Variants in SCFD2 observed in about 807,000 individuals in gnomAD.
The protein encoded by SCFD2 is sec1 family domain containing 2.
In SCFD2, 54 loss-of-function variants were observed where a neutral mutation model predicts 58.9. The ratio of observed to expected loss-of-function variants is 0.92; its 90% CI spans 0.74 to 1.15. The LOEUF is 1.15. Ranked by LOEUF, SCFD2 falls within the 50% of genes most tolerant of loss-of-function variation. The pLI, the probability that SCFD2 is intolerant of heterozygous loss-of-function variation, is 0.00. For missense variants in SCFD2, 805 were observed against 836.6 expected, an observed-to-expected ratio of 0.96 and a Z score of 0.47; for synonymous variants, 321 against 335.9, an observed-to-expected ratio of 0.96 and a Z score of 0.49.
chr4:53,220,263 C>T (rs75418179), intron 4 of SCFD2, among the ~76,000 whole-genome samples: 402 of 152,328 alleles, frequency 2.6e-3, no homozygotes, highest in African/African-American at 9.2e-3. Context: ...ACCAAAGGAA[C>T]ACATGCTATA....
intron 4 of SCFD2, among the ~76,000 whole-genome samples, chr4:53,214,438 T>G (rs954678721): frequency 1.6e-4 from 24 of 152,112 alleles, no homozygotes; most frequent in African/African-American, 4.6e-4. Flanking sequence ...GTGTTTTTTG[T>G]CTGCATAAAT....
intron 8 of SCFD2, among the ~76,000 whole-genome samples, chr4:52,884,156 G>A (rs920881965): frequency 1.3e-5 from 2 of 152,332 alleles, no homozygotes; most frequent in Middle Eastern, 3.4e-3. Flanking sequence ...TTTGATTGAG[G>A]AGACTAGGCC....
At chr4:53,024,775 A>C (rs1348503775) in intron 5 of SCFD2, among the ~76,000 whole-genome samples, 1 of 151,316 alleles carries the variant, frequency 6.6e-6, no homozygotes. Flanking sequence ...GTTACTCTGA[A>C]GGGGTTCCAG....
intron 5 of SCFD2, among the ~76,000 whole-genome samples, chr4:53,123,751 A>T (rs981721825): frequency 6.6e-6 from 1 of 152,218 alleles, no homozygotes; most frequent in Admixed American, 6.5e-5. Flanking sequence ...CTCAAAGGAA[A>T]GTCATTCCTC....
chr4:52,947,672 T>G (rs548380733), intron 5 of SCFD2, among the ~76,000 whole-genome samples: 1 of 151,828 alleles, frequency 6.6e-6, no homozygotes, highest in East Asian at 1.9e-4. Flanking sequence ...TGAAATTCAG[T>G]AGGGGCAAGG....
At chr4:53,250,385 A>G (rs1299238408) in intron 4 of SCFD2, among the ~76,000 whole-genome samples, 1 of 152,212 alleles carries the variant, frequency 6.6e-6, no homozygotes, top group African/African-American at 2.4e-5. Context: ...AACATTAGAC[A>G]GATCAACAAG....
rs147346465 is a variant in SCFD2 at position 53,249,430 on chromosome 4, C to T, written c.1311+24396G>A. Among the ~76,000 whole-genome samples the T allele has an allele frequency of 8.6e-3, 1,303 of 152,262 alleles. 13 individuals carry two copies. Among genetic ancestry groups the T allele is most frequent in the Middle Eastern group, 0.014 (4 of 294 alleles). On this transcript the variant is annotated intron_variant, in intron 4 of 8. Transcript: ENST00000401642. ...TCCCCAATCTAGCAAGGCAGGCCAA[C>T]GTTCAGATTCAGAAAATACATAGAA...
At chr4:53,121,680 G>T (rs113852797) in intron 5 of SCFD2, among the ~76,000 whole-genome samples, 1 of 152,152 alleles carries the variant, frequency 6.6e-6, no homozygotes, top group Non-Finnish European at 1.5e-5. Flanking sequence ...AGACCTGGTC[G>T]CAATCAGAAT....
At chr4:52,916,574 A>AAAAAC (rs1054374866) in intron 6 of SCFD2, among the ~76,000 whole-genome samples, 1 of 152,338 alleles carries the variant, frequency 6.6e-6, no homozygotes, top group East Asian at 1.9e-4. Context: ...ACTCTGTCTC[A>AAAAAC]AAAACAAAAC....
chr4:53,070,330 A>C (rs144253831), intron 5 of SCFD2, among the ~76,000 whole-genome samples: 6 of 152,232 alleles, frequency 3.9e-5, no homozygotes, highest in African/African-American at 1.4e-4. Context: ...TGATTGTACA[A>C]AGCAAAAGCA....
intron 4 of SCFD2, among the ~76,000 whole-genome samples, chr4:53,215,275 C>G (rs1206455646): frequency 1.3e-5 from 2 of 152,098 alleles, no homozygotes; most frequent in African/African-American, 4.8e-5. Flanking sequence ...TTGATTCTTC[C>G]TAGACATGAG....
At chr4:53,000,698 AG>A (rs1721844713) in intron 5 of SCFD2, among the ~76,000 whole-genome samples, 1 of 152,166 alleles carries the variant, frequency 6.6e-6, no homozygotes, top group East Asian at 1.9e-4. Flanking sequence ...TCCTTTGAAC[AG>A]GTTTGGTAGA....
intron 5 of SCFD2, among the ~76,000 whole-genome samples, chr4:52,926,736 G>A (rs2109492244): frequency 6.6e-6 from 1 of 152,232 alleles, no homozygotes; most frequent in Admixed American, 6.5e-5. Context: ...CTATCAGCAA[G>A]CCCCAACGCA....
rs149691319 is a variant in SCFD2 at position 53,242,441 on chromosome 4, C to A, written c.1311+31385G>T. Among the ~76,000 whole-genome samples, 412 of 145,864 alleles carry A rather than the reference C, an allele frequency of 2.8e-3. 1 individual carries two copies. The highest frequency in any genetic ancestry group is 0.01 in the African/African-American group (395 of 39,080). On this transcript the variant is annotated intron_variant, in intron 4 of 8. Coordinates refer to ENST00000401642, the MANE Select transcript of SCFD2 (RefSeq NM_152540.4). ...ACTCACATTATACCAAAAATAAACC[C>A]CCAAGGTCACCAAATAGGATAAAAG...
intron 5 of SCFD2, among the ~76,000 whole-genome samples, chr4:53,125,343 A>G (rs10016091): frequency 0.37 from 56,963 of 152,180 alleles, 10,927 homozygotes; most frequent in Non-Finnish European, 0.42. Flanking sequence ...TTCTTCCAGC[A>G]TATTATAACA....
Position 53,224,250 on chromosome 4 carries a change from G to A in SCFD2, c.1311+49576C>T, listed in dbSNP as rs56166916. Among the ~76,000 whole-genome samples, 318 of 152,086 alleles carry A rather than the reference G, an allele frequency of 2.1e-3. 3 individuals are homozygous for A. The highest frequency in any genetic ancestry group is 2.0e-3 in the Non-Finnish European group (139 of 67,984). On this transcript the variant is annotated intron_variant, in intron 4 of 8. Coordinates refer to ENST00000401642, the MANE Select transcript of SCFD2 (RefSeq NM_152540.4). The stretch of plus-strand genomic sequence containing the variant: ...CTAAAAATACAAAAATTACCCAGGC[G>A]TGGTGGCATGTGCCTGTAATCCAAG...
At chr4:52,910,051 A>C (rs1006393305) in intron 6 of SCFD2, among the ~76,000 whole-genome samples, 9 of 152,180 alleles carry the variant, frequency 5.9e-5, no homozygotes, top group Non-Finnish European at 1.2e-4. Flanking sequence ...CACTATCATC[A>C]AATAATAATT....
chr4:53,147,403 A>G (rs950127630), intron 4 of SCFD2, among the ~76,000 whole-genome samples: 3 of 152,234 alleles, frequency 2.0e-5, no homozygotes, highest in African/African-American at 7.2e-5. Context: ...TCTCAAGGTT[A>G]AGGTTCACGA....
At chr4:53,318,201 T>C (rs1202829134) in intron 2 of SCFD2, among the ~76,000 whole-genome samples, 1 of 152,230 alleles carries the variant, frequency 6.6e-6, no homozygotes, top group Non-Finnish European at 1.5e-5. Flanking sequence ...AACTTTACTA[T>C]AGCTTACTTC....
Sources: allele counts gnomAD v4.1 joint callset (sites outside exome capture counted in the v4.1 genomes callset), GRCh38; gene constraint gnomAD v4.1.1; transcripts MANE v1.5; gene names NCBI Gene and HGNC (gene_info 2026-07-23, HGNC 2026-07-21).